Variants in NUBPL observed in about 807,000 individuals in gnomAD.
NUBPL encodes NUBP iron-sulfur cluster assembly factor, mitochondrial.
A neutral mutation model predicts 45.7 loss-of-function variants in NUBPL; 31 were observed. That is an observed-to-expected ratio of 0.68 (90% CI 0.51 to 0.92). The LOEUF is 0.92. Among genes scored for constraint, NUBPL ranks in the 40% least tolerant of loss-of-function variants. NUBPL has a pLI of 0.00. For missense variants in NUBPL, 401 were observed against 398.7 expected (o/e 1.01, Z -0.05); for synonymous variants, 144 against 140.9 (o/e 1.02, Z -0.15).
chr14:31,644,574 T>C (rs185931263), intron 4 of NUBPL, among the ~76,000 whole-genome samples: 286 of 152,294 alleles, frequency 1.9e-3, no homozygotes, highest in Middle Eastern at 3.4e-3. Context: ...GCCTAAGATT[T>C]GGTATCTTCT....
At chr14:31,759,052 C>A (rs1226319924) in intron 6 of NUBPL, among the ~76,000 whole-genome samples, 1 of 151,802 alleles carries the variant, frequency 6.6e-6, no homozygotes, top group African/African-American at 2.4e-5. Flanking sequence ...CCACCAGAAA[C>A]ATCCCACTAT....
intron 6 of NUBPL, among the ~76,000 whole-genome samples, chr14:31,735,974 A>G (rs754624067): frequency 6.6e-6 from 1 of 152,194 alleles, no homozygotes; most frequent in Admixed American, 6.5e-5. Context: ...GGCCCATAAA[A>G]CATTATAAAT....
At chr14:31,684,699 T>C (rs2036912880) in intron 6 of NUBPL, among the ~76,000 whole-genome samples, 1 of 152,250 alleles carries the variant, frequency 6.6e-6, no homozygotes, top group Non-Finnish European at 1.5e-5. Flanking sequence ...AGGATTCTCC[T>C]ATTAGACCCC....
At chr14:31,829,293 A>G (rs868580790) in intron 8 of NUBPL, among the ~76,000 whole-genome samples, 14 of 150,920 alleles carry the variant, frequency 9.3e-5, no homozygotes, top group Middle Eastern at 6.8e-3. Flanking sequence ...CATTTAAATT[A>G]TTTGCCTTCT....
At chr14:31,839,214 T>A (rs1032654883) in intron 8 of NUBPL, among the ~76,000 whole-genome samples, 1 of 152,118 alleles carries the variant, frequency 6.6e-6, no homozygotes, top group East Asian at 1.9e-4. Context: ...CATACATACA[T>A]AAAAGGGCAC....
chr14:31,731,150 A>G (rs2038040368), intron 6 of NUBPL, among the ~76,000 whole-genome samples: 1 of 152,264 alleles, frequency 6.6e-6, no homozygotes, highest in Admixed American at 6.5e-5. Flanking sequence ...AGTAAAACTG[A>G]AAAACACACT....
At chr14:31,726,421 C>A (rs720954) in intron 6 of NUBPL, among the ~76,000 whole-genome samples, 44,910 of 152,024 alleles carry the variant, frequency 0.3, 7,489 homozygotes, top group South Asian at 0.41. Context: ...TATTTTGGCT[C>A]ATAAAAATAA....
At position 31,756,057 on chromosome 14, in the gene NUBPL, A is replaced by G. The variant is rs558763712; in HGVS notation, c.514-31723A>G. On this transcript the variant is annotated intron_variant, in intron 6 of 10. Transcript: ENST00000281081. ...GAGCTCTGTTCTGTTCCATTGGTCT[A>G]TATCTCTGTTTTGGTACCAGTACCA... Among the ~76,000 whole-genome samples, 12 of 152,012 alleles carry G rather than the reference A, an allele frequency of 7.9e-5. No homozygotes were observed. The South Asian group carries it at 1.5e-3, about 18-fold the overall frequency.
chr14:31,708,396 G>C (rs1470144589), intron 6 of NUBPL, among the ~76,000 whole-genome samples: 1 of 152,202 alleles, frequency 6.6e-6, no homozygotes, highest in Non-Finnish European at 1.5e-5. Flanking sequence ...CCAGACTTCA[G>C]GGTTTATTCC....
chr14:31,825,264 CT>C (rs1191424080), intron 7 of NUBPL, among the ~76,000 whole-genome samples: 1 of 152,128 alleles, frequency 6.6e-6, no homozygotes, highest in Non-Finnish European at 1.5e-5. Context: ...ATTGTTTCTC[CT>C]ATGTCTAGCT....
chr14:31,807,229 T>G (rs1030408498), intron 7 of NUBPL, among the ~76,000 whole-genome samples: 3 of 152,176 alleles, frequency 2.0e-5, no homozygotes, highest in Admixed American at 6.5e-5. Context: ...CTAGTTTACA[T>G]TCCCACCAAC....
At chr14:31,717,833 G>T (rs1343282622) in intron 6 of NUBPL, among the ~76,000 whole-genome samples, 1 of 151,904 alleles carries the variant, frequency 6.6e-6, no homozygotes, top group Non-Finnish European at 1.5e-5. Flanking sequence ...AACCTGACAA[G>T]TTCTGACATC....
In NUBPL at chr14:31,611,474, ATTG is replaced by A. The variant is rs761182435; in HGVS notation, c.382+12098_382+12100del. ...ATGTTCATGGATTGGAAGAATCAAT[ATTG>A]TTAAATTGTCCCTACTATTCAAAGC... is the stretch of plus-strand genomic sequence containing the variant. On this transcript the variant is annotated intron_variant, in intron 4 of 10. Coordinates refer to ENST00000281081, the MANE Select transcript of NUBPL (RefSeq NM_025152.3). Among the ~76,000 whole-genome samples, 66 of 152,232 alleles carry A rather than the reference ATTG, an allele frequency of 4.3e-4. 1 individual carries two copies. Among genetic ancestry groups the A allele is most frequent in the Non-Finnish European group, 8.2e-4 (56 of 68,030 alleles).
chr14:31,596,209 C>G (rs751398358), intron 3 of NUBPL, among the ~76,000 whole-genome samples: 1 of 152,098 alleles, frequency 6.6e-6, no homozygotes, highest in African/African-American at 2.4e-5. Context: ...GGCCTGGACA[C>G]TGATTTTATT....
chr14:31,775,871 AG>A (rs1566556006), intron 6 of NUBPL, among the ~76,000 whole-genome samples: 1 of 152,174 alleles, frequency 6.6e-6, no homozygotes. Flanking sequence ...GCTTAAGTTC[AG>A]GGTTCTACAT....
At chr14:31,784,283 A>T (rs1335855753) in intron 6 of NUBPL, among the ~76,000 whole-genome samples, 5 of 152,294 alleles carry the variant, frequency 3.3e-5, no homozygotes, top group Middle Eastern at 3.4e-3. Context: ...TTTTCTTTAC[A>T]GCTGGTTTTC....
chr14:31,609,884 T>C (rs2034704242), intron 4 of NUBPL, among the ~76,000 whole-genome samples: 1 of 152,044 alleles, frequency 6.6e-6, no homozygotes, highest in Non-Finnish European at 1.5e-5. Flanking sequence ...ATAATGGAGA[T>C]ATAACATACC....
intron 4 of NUBPL, among the ~76,000 whole-genome samples, chr14:31,647,525 T>C (rs2035888430): frequency 6.6e-6 from 1 of 152,214 alleles, no homozygotes; most frequent in Non-Finnish European, 1.5e-5. Flanking sequence ...TCTGGCAATG[T>C]TGGAAGGCTG....
chr14:31,762,280 TAACTG>T (rs2038827701), intron 6 of NUBPL, among the ~76,000 whole-genome samples: 2 of 152,188 alleles, frequency 1.3e-5, no homozygotes, highest in African/African-American at 4.8e-5. Flanking sequence ...CTTTCTTACT[TAACTG>T]AACTAGAATA....
Sources: allele counts gnomAD v4.1 joint callset (sites outside exome capture counted in the v4.1 genomes callset), GRCh38; gene constraint gnomAD v4.1.1; transcripts MANE v1.5; gene names NCBI Gene and HGNC (gene_info 2026-07-23, HGNC 2026-07-21).